CEP85L: variants seen among roughly 807,000 people sequenced by gnomAD.
CEP85L encodes the protein centrosomal protein 85L, also known as centrosomal protein of 85 kDa-like.
In CEP85L, 60 loss-of-function variants were observed where a neutral mutation model predicts 100.3. The observed-to-expected ratio is 0.60, with a 90% confidence interval of 0.49 to 0.74. The LOEUF (loss-of-function observed/expected upper bound fraction) is 0.74. CEP85L is among the 30% of genes least tolerant of loss of function. The pLI is 0.00. For missense variants in CEP85L, 973 were observed against 936.2 expected (o/e 1.04, Z -0.51); for synonymous variants, 319 against 322.7 (o/e 0.99, Z 0.12).
Position 118,465,425 on chromosome 6 carries a change from C to G in CEP85L, c.2398G>C (p.Asp800His). Reference protein sequence around the residue: ...ISDRYAQDMGDNCITQ With the variant: ...ISDRYAQDMGHNCITQ ...CTTGATCACTGAGTAATGCAGTTGTCTCCCATGTCCTGAGCATAGCGGTCT... is the reference window on the plus strand; with the variant it reads ...CTTGATCACTGAGTAATGCAGTTGTGTCCCATGTCCTGAGCATAGCGGTCT... Residue 800 changes from aspartate to histidine, a missense_variant, in exon 13 of 13, where the codon GAC (aspartate) becomes CAC (histidine). By Grantham distance (81) the Asp-to-His change is moderately conservative. This residue lies in a region of CEP85L where 890 missense variants were observed against 844.5 expected (regional missense o/e 1.05). Transcript: ENST00000368491. The G allele has an allele frequency of 1.2e-6, 2 of 1,613,094 alleles. No homozygotes were observed. The highest frequency in any genetic ancestry group is 1.7e-6 in the Non-Finnish European group (2 of 1,179,396).
chr6:118,527,439 T>G (rs533496302), intron 3 of CEP85L, among the ~76,000 whole-genome samples: 2 of 152,264 alleles, frequency 1.3e-5, no homozygotes, highest in East Asian at 3.9e-4. Flanking sequence ...ATGGCCTAAT[T>G]AGGTGTTCCA....
intron 2 of CEP85L, among the ~76,000 whole-genome samples, chr6:118,623,933 A>C (rs565479842): frequency 1.3e-5 from 2 of 152,210 alleles, no homozygotes; most frequent in Middle Eastern, 6.8e-3. Flanking sequence ...GAGGGACCAT[A>C]CTCAGTAATC....
At chr6:118,489,800 G>C (rs1214505983) in intron 6 of CEP85L, among the ~76,000 whole-genome samples, 1 of 152,084 alleles carries the variant, frequency 6.6e-6, no homozygotes, top group Non-Finnish European at 1.5e-5. Flanking sequence ...TTATCCAAAA[G>C]AATTGAAATC....
chr6:118,499,851 C>T (rs1342146185), intron 5 of CEP85L, among the ~76,000 whole-genome samples: 1 of 152,102 alleles, frequency 6.6e-6, no homozygotes, highest in Non-Finnish European at 1.5e-5. Context: ...CCTCTCACTA[C>T]TGCTTTTCAA....
chr6:118,483,753 G>A lies in CEP85L; in HGVS notation c.1543C>T (p.Leu515=), dbSNP rs1461920039. The part of the protein sequence containing the change: ...QRRIETLEKY[L]ADLPTLDDVQ... ...TCATCTAGAGTTGGAAGATCAGCCA[G>A]ATACTTTTCCAAGGTCTCAATTCTT... is the stretch of plus-strand genomic sequence containing the variant. The change falls in exon 7 of 13, where the codon CTG becomes TTG. Residue 515 remains leucine (L), a synonymous_variant. Coordinates refer to ENST00000368491, the MANE Select transcript of CEP85L (RefSeq NM_001042475.3). 6.2e-7 allele frequency: 1 copy of A among 1,613,730 alleles called. No individual in the cohort carries two copies. Among genetic ancestry groups the A allele is most frequent in the African/African-American group, 1.3e-5 (1 of 74,918 alleles).
At chr6:118,686,816 C>T (rs1776849820) in intron 1 of CEP85L, among the ~76,000 whole-genome samples, 2 of 152,172 alleles carry the variant, frequency 1.3e-5, no homozygotes, top group African/African-American at 4.8e-5. Context: ...TTCACATACA[C>T]ACTCTCCACA....
At position 118,596,252 on chromosome 6, in the gene CEP85L, G is replaced by T. The variant is rs76808799; in HGVS notation, c.233-29936C>A. 2.0e-5 allele frequency among the ~76,000 whole-genome samples: 3 copies of T among 152,120 alleles called. No individual in the cohort carries two copies. The East Asian group carries it at 5.8e-4, about 29-fold the overall frequency. Reference sequence around the variant, plus strand: ...CGGATATGACATAATCTGATATATGGCATGTTTTAAAGTTGCTATTATATT... The same window carrying T: ...CGGATATGACATAATCTGATATATGTCATGTTTTAAAGTTGCTATTATATT... On this transcript the variant is annotated intron_variant, in intron 2 of 12. Transcript: ENST00000368491.
intron 1 of CEP85L, among the ~76,000 whole-genome samples, chr6:118,697,040 C>G (rs1273684637): frequency 6.6e-6 from 1 of 152,198 alleles, no homozygotes; most frequent in Non-Finnish European, 1.5e-5. Flanking sequence ...ACTAACCCCA[C>G]AGCAGACTCC....
chr6:118,580,290 A>G (rs1434374002), intron 2 of CEP85L, among the ~76,000 whole-genome samples: 1 of 152,170 alleles, frequency 6.6e-6, no homozygotes, highest in East Asian at 1.9e-4. Flanking sequence ...GCGTGAGAAA[A>G]GGACCCTGGT....
chr6:118,652,521 G>A (rs1034182980), upstream of CEP85L: 30 of 1,384,394 alleles, frequency 2.2e-5, no homozygotes, highest in East Asian at 5.6e-4. Context: ...TCACTCAGAG[G>A]TAAGTCGGAA....
chr6:118,491,587 C>A, intron 6 of CEP85L, 99 bp downstream of exon 6: 1 of 1,496,028 alleles, frequency 6.7e-7, no homozygotes, highest in South Asian at 1.4e-5. Context: ...TAAATGTATA[C>A]ATAACCTGGC....
At chr6:118,514,456 C>CAG (rs1018399812) in intron 4 of CEP85L, among the ~76,000 whole-genome samples, 8 of 143,084 alleles carry the variant, frequency 5.6e-5, no homozygotes, top group African/African-American at 2.1e-4. Flanking sequence ...ACCTGGGAGG[C>CAG]AGAGGTTGCA....
chr6:118,573,294 G>A (rs1007774192), intron 2 of CEP85L, among the ~76,000 whole-genome samples: 3 of 152,104 alleles, frequency 2.0e-5, no homozygotes, highest in African/African-American at 7.2e-5. Flanking sequence ...CAAAGGGTTG[G>A]GTAAATAACT....
At chr6:118,552,369 A>G (rs908261579) in intron 3 of CEP85L, among the ~76,000 whole-genome samples, 1 of 152,112 alleles carries the variant, frequency 6.6e-6, no homozygotes, top group Non-Finnish European at 1.5e-5. Flanking sequence ...CAGCATATAC[A>G]ACATCATTAA....
intron 2 of CEP85L, among the ~76,000 whole-genome samples, chr6:118,601,057 T>A (rs1345729986): frequency 4.6e-5 from 7 of 152,232 alleles, no homozygotes; most frequent in Admixed American, 4.6e-4. Flanking sequence ...TCTTTGTTCA[T>A]CTGTGTGCCT....
chr6:118,578,862 T>C (rs1780400353), intron 2 of CEP85L, among the ~76,000 whole-genome samples: 1 of 152,206 alleles, frequency 6.6e-6, no homozygotes, highest in Admixed American at 6.5e-5. Context: ...TAGTTCTTCT[T>C]TGCGGCACCG....
chr6:118,514,115 A>G (rs541174567), intron 4 of CEP85L, among the ~76,000 whole-genome samples: 2 of 152,356 alleles, frequency 1.3e-5, no homozygotes, highest in East Asian at 3.9e-4. Flanking sequence ...AGCAATCATT[A>G]TAACAATAGA....
intron 1 of CEP85L, among the ~76,000 whole-genome samples, chr6:118,702,562 A>T (rs1777449475): frequency 6.6e-6 from 1 of 152,234 alleles, no homozygotes; most frequent in African/African-American, 2.4e-5. Flanking sequence ...GTTGAAATGA[A>T]ATAAGTGGGA....
intron 5 of CEP85L, chr6:118,501,520 CATT>C (rs1775300583): frequency 4.1e-6 from 2 of 485,174 alleles, no homozygotes; most frequent in East Asian, 5.4e-5. Context: ...ACTCCATCAT[CATT>C]AAACACCCAA....
Sources: gnomAD v4.1 joint callset for allele counts (sites outside exome capture counted in the v4.1 genomes callset) on GRCh38, gnomAD v4.1.1 for gene constraint, gnomAD v4.1.1 regional missense constraint, MANE v1.5 for transcripts, NCBI Gene and HGNC (gene_info 2026-07-23, HGNC 2026-07-21) for gene names.